The following STYX variants were observed in gnomAD, a reference collection of about 807,000 sequenced individuals.
STYX encodes serine/threonine/tyrosine-interacting protein.
In STYX, 20 loss-of-function variants were observed where a neutral mutation model predicts 42.7. The ratio of observed to expected loss-of-function variants is 0.47; its 90% confidence interval spans 0.33 to 0.68. STYX has a LOEUF of 0.68. STYX is among the 30% of genes least tolerant of loss of function. STYX has a pLI of 0.02. For synonymous variants in STYX, 78 were observed against 81.9 expected, an observed-to-expected ratio of 0.95 and a Z score of 0.26; for missense variants, 226 against 268.5, an observed-to-expected ratio of 0.84 and a Z score of 1.11.
chr14:52,748,657 G>C (rs1236798910), intron 3 of STYX, among the ~76,000 whole-genome samples: 2 of 152,082 alleles, frequency 1.3e-5, no homozygotes, highest in Non-Finnish European at 2.9e-5. Flanking sequence ...TGTTACGTTA[G>C]GGCTCTATTT....
chr14:52,748,644 C>A (rs913675018), intron 3 of STYX, among the ~76,000 whole-genome samples: 9 of 152,068 alleles, frequency 5.9e-5, no homozygotes, highest in African/African-American at 1.9e-4. Flanking sequence ...AAAATCTATT[C>A]GCTGTTACGT....
intron 1 of STYX, among the ~76,000 whole-genome samples, chr14:52,741,099 T>A (rs569015421): frequency 1.4e-3 from 216 of 152,238 alleles, no homozygotes; most frequent in Non-Finnish European, 2.0e-3. Context: ...TATCCCTGAG[T>A]ACTACTATTC....
Position 52,771,159 on chromosome 14 carries a change from C to T in STYX, c.*53C>T. ...ATTTCTATTTGGGAAGGAGAAAATA[C>T]AAGAGAAAATTATAATGTAAAATGG... On this transcript the variant is annotated 3_prime_UTR_variant, in exon 11 of 11. Transcript: ENST00000354586. The T allele has an allele frequency of 1.3e-6, 2 of 1,482,528 alleles. No homozygotes were observed. Among genetic ancestry groups the T allele is most frequent in the Non-Finnish European group, 1.8e-6 (2 of 1,085,392 alleles). The allele number at this position is 1,482,528 out of a possible 1,614,324, so 91.8% of individuals were successfully genotyped here.
chr14:52,753,820 G>A (rs1407212332), intron 4 of STYX, among the ~76,000 whole-genome samples: 1 of 133,000 alleles, frequency 7.5e-6, no homozygotes, highest in African/African-American at 2.8e-5. Flanking sequence ...CTTTACTTTT[G>A]TAGTGTTTTT....
At chr14:52,732,266 C>CTT (rs529730082) in intron 1 of STYX, among the ~76,000 whole-genome samples, 5,520 of 112,246 alleles carry the variant, frequency 0.049, 424 homozygotes, top group African/African-American at 0.13. Flanking sequence ...CCAGGCCCAG[C>CTT]TTTTTTTTTT....
chr14:52,765,330 G>A (rs781196497), intron 9 of STYX, among the ~76,000 whole-genome samples: 19 of 151,982 alleles, frequency 1.3e-4, no homozygotes, highest in Non-Finnish European at 2.1e-4. Flanking sequence ...GTGATTCTCC[G>A]CTTCAGCCTC....
intron 9 of STYX, among the ~76,000 whole-genome samples, chr14:52,761,308 A>G (rs1882084446): frequency 6.7e-6 from 1 of 149,722 alleles, no homozygotes; most frequent in Non-Finnish European, 1.5e-5. Flanking sequence ...AGCCTGGGCA[A>G]CAAGAACAAA....
At chr14:52,764,447 T>G (rs1030675838) in intron 9 of STYX, among the ~76,000 whole-genome samples, 21 of 152,110 alleles carry the variant, frequency 1.4e-4, no homozygotes, top group African/African-American at 4.8e-4. Flanking sequence ...AGTCTAGGAT[T>G]GAGTTTTGCT....
intron 1 of STYX, among the ~76,000 whole-genome samples, chr14:52,743,595 T>TA (rs952472915): frequency 7.9e-5 from 12 of 151,670 alleles, no homozygotes; most frequent in African/African-American, 1.7e-4. Flanking sequence ...AATAAAAAAA[T>TA]AAAAAAAATA....
chr14:52,743,156 A>G (rs1281243780), intron 1 of STYX, among the ~76,000 whole-genome samples: 1 of 152,078 alleles, frequency 6.6e-6, no homozygotes, highest in Non-Finnish European at 1.5e-5. Context: ...ATTGCTGAGA[A>G]CAGTTTTCAA....
Position 52,741,183 on chromosome 14 carries a change from T to A in STYX, c.58-3669T>A, listed in dbSNP as rs150953888. ...AATAAAGCTGCTATAAATATTCATG[T>A]ATAAGTCTTTGTGTGGATATATGTT... On this transcript the variant is annotated intron_variant, in intron 1 of 10. Coordinates refer to ENST00000354586, the MANE Select transcript of STYX (RefSeq NM_145251.4). Among the ~76,000 whole-genome samples the A allele has an allele frequency of 8.2e-3, 1,236 of 151,200 alleles. 9 individuals carry two copies. Among genetic ancestry groups the A allele is most frequent in the African/African-American group, 0.024 (975 of 41,308 alleles).
intron 4 of STYX, among the ~76,000 whole-genome samples, chr14:52,755,703 T>TTC (rs1555359568): frequency 1.3e-5 from 2 of 150,626 alleles, no homozygotes; most frequent in African/African-American, 2.4e-5. Context: ...TTTTTTTTTT[T>TTC]CCCCTTTACT....
intron 1 of STYX, among the ~76,000 whole-genome samples, chr14:52,736,516 C>T (rs942198232): frequency 1.3e-5 from 2 of 152,322 alleles, no homozygotes; most frequent in Non-Finnish European, 2.9e-5. Context: ...TCTCTTCTGA[C>T]AGAAAGTGAA....
chr14:52,736,334 C>A (rs1423299383), intron 1 of STYX, among the ~76,000 whole-genome samples: 1 of 152,164 alleles, frequency 6.6e-6, no homozygotes, highest in Non-Finnish European at 1.5e-5. Flanking sequence ...TTAATACTTA[C>A]CTTTGTAACA....
chr14:52,739,657 GT>G (rs1881107924), intron 1 of STYX, among the ~76,000 whole-genome samples: 2 of 31,914 alleles, frequency 6.3e-5, no homozygotes, highest in Non-Finnish European at 1.3e-4. Context: ...TTTTTTTTTC[GT>G]TGAGATAGGG....
intron 1 of STYX, among the ~76,000 whole-genome samples, chr14:52,730,933 G>A (rs1880674018): frequency 6.6e-6 from 1 of 151,784 alleles, no homozygotes; most frequent in South Asian, 2.1e-4. Flanking sequence ...AAATAGACTC[G>A]GCGCCTGAAG....
chr14:52,771,925 T>C lies in STYX; in HGVS notation c.*819T>C, dbSNP rs1028194899. On this transcript the variant is annotated 3_prime_UTR_variant, in exon 11 of 11. Coordinates refer to ENST00000354586, the MANE Select transcript of STYX (RefSeq NM_145251.4). ...ATTTTTTGGCAGTAAAAGCCAAACG[T>C]TGTATTTGTTCTTTTCAGAGTTGTC... is the stretch of plus-strand genomic sequence containing the variant. The C allele has an allele frequency of 1.3e-5, 2 of 152,510 alleles. No homozygotes were observed. Among genetic ancestry groups the C allele is most frequent in the African/African-American group, 4.8e-5 (2 of 41,446 alleles). The allele number at this position is 152,510 out of a possible 1,614,324, so 9.4% of individuals were successfully genotyped here.
Position 52,744,873 on chromosome 14 carries a change from C to T in STYX, c.79C>T (p.Arg27Ter), listed in dbSNP as rs1881333613. The part of the protein sequence containing the change: ...DAEEWTYPMR[R>*]EMQEILPGLF... ...CCAGGAGTGGACCTACCCTATGAGA[C>T]GAGAGATGCAGGTATGGCAACCTTT... Residue 27 changes from arginine (R) to a stop codon, truncating the protein, a stop_gained, in exon 2 of 11, where the codon CGA becomes TGA. Coordinates refer to ENST00000354586, the MANE Select transcript of STYX (RefSeq NM_145251.4). LOFTEE classifies it high-confidence loss of function. The T allele has an allele frequency of 1.2e-6, 2 of 1,613,160 alleles. No homozygotes were observed. The highest frequency in any genetic ancestry group is 1.7e-6 in the Non-Finnish European group (2 of 1,179,674).
At chr14:52,746,336 T>C in intron 2 of STYX, 90 bp from the exon 3 acceptor site, 2 of 918,238 alleles carry the variant, frequency 2.2e-6, no homozygotes, top group East Asian at 5.7e-5. Context: ...TGTGCTGCTT[T>C]TGATTTGGCC....
Sources: gnomAD v4.1 joint callset for allele counts (sites outside exome capture counted in the v4.1 genomes callset) on GRCh38, gnomAD v4.1.1 for gene constraint, MANE v1.5 for transcripts, NCBI Gene and HGNC (gene_info 2026-07-23, HGNC 2026-07-21) for gene names.